The following APBB2 variants were observed in gnomAD, a reference collection of about 807,000 sequenced individuals.
APBB2 encodes the protein amyloid beta precursor protein binding family B member 2, also known as Fe65-like 1.
In APBB2, 38 loss-of-function variants were observed where a neutral mutation model predicts 82.5. The observed-to-expected ratio is 0.46, with a 90% CI of 0.36 to 0.60. APBB2 has a LOEUF of 0.60. Ranked by LOEUF, APBB2 falls within the 20% of genes least tolerant of loss-of-function variation. The pLI is 0.00. For missense variants in APBB2, 772 were observed against 972.3 expected, an observed-to-expected ratio of 0.79 and a Z score of 2.74; for synonymous variants, 341 against 368.2, an observed-to-expected ratio of 0.93 and a Z score of 0.85.
intron 12 of APBB2, among the ~76,000 whole-genome samples, chr4:40,878,358 CCAAAA>C (rs1767457780): frequency 6.6e-6 from 1 of 151,886 alleles, no homozygotes; most frequent in Non-Finnish European, 1.5e-5. Flanking sequence ...CCAAACCAAA[CCAAAA>C]CAAAACAAAA....
rs1473243622 is a variant in APBB2 at position 40,814,135 on chromosome 4, A to T, written c.*1957T>A. 1 of 152,222 alleles carries T rather than the reference A, an allele frequency of 6.6e-6. No homozygotes were observed. Among genetic ancestry groups the T allele is most frequent in the Non-Finnish European group, 1.5e-5 (1 of 68,050 alleles). 9.4% of individuals were successfully genotyped at this position (152,222 alleles called of 1,614,324 possible). A position where few individuals can be genotyped will look rare whatever the true frequency, so the allele number is the denominator to read the frequency against. On this transcript the variant is annotated 3_prime_UTR_variant, in exon 18 of 18. Transcript: ENST00000508593. ...ACCATGAGTTAGGAATGTCTACCAC[A>T]AGTAGCATCTGGAAAATCTCGTAGA... is the stretch of plus-strand genomic sequence containing the variant.
intron 10 of APBB2, among the ~76,000 whole-genome samples, chr4:40,901,289 G>A (rs145642704): frequency 3.5e-4 from 54 of 152,310 alleles, no homozygotes; most frequent in Non-Finnish European, 6.5e-4. Context: ...GGTGAGAAAA[G>A]GTGGCCACTA....
intron 6 of APBB2, among the ~76,000 whole-genome samples, chr4:40,977,510 G>T (rs569292533): frequency 7.2e-5 from 11 of 151,950 alleles, no homozygotes; most frequent in African/African-American, 2.7e-4. Context: ...ACAGAGTTTC[G>T]CCATGTTGGC....
rs374626383 is a variant in APBB2 at position 41,068,747 on chromosome 4, G to A, written c.-148-3074C>T. 1.5e-4 allele frequency among the ~76,000 whole-genome samples: 23 copies of A among 149,818 alleles called. No homozygotes were observed. The South Asian group carries it at 4.4e-3, about 29-fold the overall frequency. On this transcript the variant is annotated intron_variant, in intron 3 of 17. Transcript: ENST00000508593. Reference sequence around the variant, plus strand: ...GCTTTGGGTGTCAACATTTCCAAAGGTGTACGTGTAGTTTAATTAAGCAAA... The same window carrying A: ...GCTTTGGGTGTCAACATTTCCAAAGATGTACGTGTAGTTTAATTAAGCAAA...
At chr4:41,212,072 T>C (rs1002324186) in intron 1 of APBB2, among the ~76,000 whole-genome samples, 1 of 152,192 alleles carries the variant, frequency 6.6e-6, no homozygotes. Context: ...ATTATTCTAA[T>C]ATTATGACAA....
At chr4:41,199,366 T>C (rs1371783931) in intron 1 of APBB2, among the ~76,000 whole-genome samples, 4 of 152,152 alleles carry the variant, frequency 2.6e-5, no homozygotes, top group Non-Finnish European at 5.9e-5. Flanking sequence ...AAAACATACA[T>C]GAGAAACTTT....
intron 1 of APBB2, among the ~76,000 whole-genome samples, chr4:41,148,262 T>C (rs1384445806): frequency 6.6e-6 from 1 of 152,184 alleles, no homozygotes; most frequent in Non-Finnish European, 1.5e-5. Flanking sequence ...ATTAATAGGT[T>C]CACTAATGTT....
At chr4:40,900,083 T>C (rs1457658966) in intron 10 of APBB2, among the ~76,000 whole-genome samples, 2 of 152,196 alleles carry the variant, frequency 1.3e-5, no homozygotes, top group African/African-American at 4.8e-5. Context: ...AAGTTACAGA[T>C]GTTAGAAAAC....
At chr4:40,940,558 T>C (rs745856655) in intron 7 of APBB2, among the ~76,000 whole-genome samples, 9 of 152,216 alleles carry the variant, frequency 5.9e-5, no homozygotes, top group Admixed American at 2.0e-4. Context: ...GTTGTCATCT[T>C]ATTTCTACAT....
chr4:41,107,927 C>T (rs149794350), intron 2 of APBB2, among the ~76,000 whole-genome samples: 291 of 151,996 alleles, frequency 1.9e-3, no homozygotes, highest in African/African-American at 6.7e-3. Flanking sequence ...GATTGGGAGG[C>T]GGGTATAAAA....
chr4:40,921,947 AGAGAAT>A (rs1781372129), intron 10 of APBB2, among the ~76,000 whole-genome samples: 1 of 152,186 alleles, frequency 6.6e-6, no homozygotes. Flanking sequence ...GTGTCTGCCG[AGAGAAT>A]GAGACCATCA....
intron 3 of APBB2, among the ~76,000 whole-genome samples, chr4:41,089,158 A>G (rs1740863973): frequency 6.6e-6 from 1 of 152,230 alleles, no homozygotes; most frequent in Admixed American, 6.5e-5. Context: ...CAGGATGACC[A>G]TCCAGAACAT....
intron 12 of APBB2, among the ~76,000 whole-genome samples, chr4:40,857,533 C>A (rs1202428378): frequency 2.6e-5 from 4 of 152,246 alleles, no homozygotes; most frequent in East Asian, 1.9e-4. Flanking sequence ...TGCAGTGACA[C>A]GATCTCGGCT....
At chr4:41,140,455 C>T (rs1423963291) in intron 2 of APBB2, among the ~76,000 whole-genome samples, 1 of 152,130 alleles carries the variant, frequency 6.6e-6, no homozygotes, top group African/African-American at 2.4e-5. Flanking sequence ...AATAATCGCC[C>T]TCCCTGCTAG....
chr4:41,201,889 C>T (rs999088063), intron 1 of APBB2, among the ~76,000 whole-genome samples: 6 of 152,086 alleles, frequency 3.9e-5, no homozygotes, highest in African/African-American at 7.3e-5. Context: ...TAGATCATAC[C>T]CAATTCACAA....
chr4:40,854,790 CAAA>C (rs80240731), intron 12 of APBB2, among the ~76,000 whole-genome samples: 47,930 of 124,564 alleles, frequency 0.38, 9,251 homozygotes, highest in Non-Finnish European at 0.47. Context: ...AGTCCATCTC[CAAA>C]AAAAAAAAAA....
At chr4:41,005,573 T>C (rs1028675567) in intron 6 of APBB2, among the ~76,000 whole-genome samples, 1 of 152,150 alleles carries the variant, frequency 6.6e-6, no homozygotes, top group East Asian at 1.9e-4. Context: ...CTCCAAGGTA[T>C]GAGAGCATCA....
At position 40,821,933 on chromosome 4, in the gene APBB2, G is replaced by A. The variant is rs758087545; in HGVS notation, c.2050C>T (p.His684Tyr). Residue 684 changes from histidine to tyrosine, a missense_variant, in exon 17 of 18, where the codon CAC (histidine) becomes TAC (tyrosine). Transcript: ENST00000508593. ...MDTGNQRFECHVFWCEPNAGN... is the reference protein window; with the variant it reads ...MDTGNQRFECYVFWCEPNAGN... ...GCATTAGGCTCGCACCAGAAAACGT[G>A]GCACTCAAAGCGCTGGTTCCCCGTG... The A allele has an allele frequency of 1.4e-5, 23 of 1,613,978 alleles. No individual in the cohort carries two copies. The East Asian group carries it at 4.0e-4, about 28-fold the overall frequency.
At chr4:41,117,282 T>TATC (rs1328042465) in intron 2 of APBB2, among the ~76,000 whole-genome samples, 1 of 138,764 alleles carries the variant, frequency 7.2e-6, no homozygotes, top group Non-Finnish European at 1.6e-5. Flanking sequence ...TTATTGTTGT[T>TATC]ATTATTATTA....
Sources: gnomAD v4.1 joint callset for allele counts (sites outside exome capture counted in the v4.1 genomes callset) on GRCh38, gnomAD v4.1.1 for gene constraint, MANE v1.5 for transcripts, NCBI Gene and HGNC (gene_info 2026-07-23, HGNC 2026-07-21) for gene names.